Variants in USP50 observed in about 807,000 individuals in gnomAD.
USP50 encodes ubiquitin carboxyl-terminal hydrolase 50.
In USP50, 37 loss-of-function variants were observed where a neutral mutation model predicts 39.2. The ratio of observed to expected loss-of-function variants is 0.94; its 90% CI spans 0.73 to 1.24. The LOEUF (loss-of-function observed/expected upper bound fraction) is 1.24, where lower values mean the gene tolerates loss of function less well. Ranked by LOEUF, USP50 falls within the 50% of genes most tolerant of loss-of-function variation. The pLI is 0.00. For missense variants in USP50, 374 were observed against 398.2 expected, an observed-to-expected ratio of 0.94 and a Z score of 0.52; for synonymous variants, 139 against 144.5, an observed-to-expected ratio of 0.96 and a Z score of 0.27.
Position 50,529,840 on chromosome 15 carries a change from G to A in USP50, c.893C>T (p.Ser298Leu). Residue 298 changes from serine to leucine, a missense_variant, in exon 6 of 7, where the codon TCA becomes TTA. Transcript: ENST00000532404. ...TNLDLTPYIC[S>L]IFRKYPKYNL... ...GTATTTAGGATATTTCCGGAAAATT[G>A]AGCAAATATAAGGAGTGAGGTCCAA... 1 of 1,613,890 alleles carries A rather than the reference G, an allele frequency of 6.2e-7. No homozygotes were observed. Among genetic ancestry groups the A allele is most frequent in the Non-Finnish European group, 8.5e-7 (1 of 1,179,866 alleles).
At chr15:50,543,535 A>G in intron 3 of USP50, 63 bp downstream of exon 3, 1 of 1,484,194 alleles carries the variant, frequency 6.7e-7, no homozygotes, top group Non-Finnish European at 9.2e-7. Context: ...AAAAGAATGA[A>G]AAATGGAAGC....
chr15:50,534,397 G>T (rs1566910190), intron 5 of USP50, among the ~76,000 whole-genome samples: 1 of 152,112 alleles, frequency 6.6e-6, no homozygotes, highest in Non-Finnish European at 1.5e-5. Context: ...AGTCATATAA[G>T]ATGCTCAGTA....
downstream of USP50, chr15:50,499,000 A>G (rs1340335724): frequency 6.8e-6 from 11 of 1,613,848 alleles, no homozygotes; most frequent in African/African-American, 2.7e-5. Flanking sequence ...GAAGTTTCTG[A>G]TATCTCCGTT....
At chr15:50,523,205 G>T (rs2052864706) in intron 6 of USP50, among the ~76,000 whole-genome samples, 2 of 103,972 alleles carry the variant, frequency 1.9e-5, no homozygotes. Flanking sequence ...GTGAGACAGG[G>T]TCTTGCTCTG....
chr15:50,540,695 C>A (rs2053020771), intron 4 of USP50, among the ~76,000 whole-genome samples: 1 of 152,160 alleles, frequency 6.6e-6, no homozygotes, highest in African/African-American at 2.4e-5. Flanking sequence ...GCGATCTTGG[C>A]TCACAACAAC....
chr15:50,525,732 T>C (rs1274895316), intron 6 of USP50, among the ~76,000 whole-genome samples: 1 of 94,658 alleles, frequency 1.1e-5, no homozygotes, highest in East Asian at 3.0e-4. Flanking sequence ...TATATATGTA[T>C]ATGTATATAA....
intron 1 of USP50, 67 bp from the exon 2 acceptor site, chr15:50,544,848 T>G: frequency 7.0e-7 from 1 of 1,426,076 alleles, no homozygotes; most frequent in Non-Finnish European, 9.6e-7. Flanking sequence ...GACAATAAGC[T>G]TCTCTTAATA....
chr15:50,499,471 T>TAAAGC (rs2141333796), downstream of USP50: 1 of 157,104 alleles, frequency 6.4e-6, no homozygotes, highest in East Asian at 1.9e-4. Context: ...TAGAATGATG[T>TAAAGC]AAAGCAGATA....
At chr15:50,545,717 G>A (rs771270529) in intron 1 of USP50, among the ~76,000 whole-genome samples, 2 of 151,564 alleles carry the variant, frequency 1.3e-5, no homozygotes, top group East Asian at 1.9e-4. Context: ...ACATATACAC[G>A]GAGAGGAGAA....
rs564915571 is a variant in USP50 at position 50,538,778 on chromosome 15, G to A, written c.734C>T (p.Thr245Ile). ...NNEIHCSFCE[T>I]KQETAVRASI... ...GGCCCTCACAGCAGTTTCTTGCTTG[G>A]TTTCACAAAAGGAGCAGTGAATTTC... is the stretch of plus-strand genomic sequence containing the variant. Residue 245 changes from threonine (T) to isoleucine (I), a missense_variant, in exon 5 of 7, where the codon ACC becomes ATC. Thr to Ile is a moderately conservative substitution (Grantham distance 89). Transcript: ENST00000532404. 12 of 1,613,438 alleles carry A rather than the reference G, an allele frequency of 7.4e-6. No homozygotes were observed. In the South Asian group the frequency reaches 1.3e-4, roughly 18 times the overall value.
At chr15:50,501,874 T>C (rs1317790335) in intron 6 of USP50, 2 of 152,222 alleles carry the variant, frequency 1.3e-5, no homozygotes, top group African/African-American at 4.8e-5. Flanking sequence ...ATAGTATTGT[T>C]ATATGTGAAA....
downstream of USP50, among the ~76,000 whole-genome samples, chr15:50,497,937 C>T (rs1334396850): frequency 1.3e-5 from 2 of 152,150 alleles, no homozygotes; most frequent in African/African-American, 4.8e-5. Context: ...ATATTAATTT[C>T]CAAATTTACA....
At chr15:50,495,859 G>A, downstream of USP50, 4 of 1,612,006 alleles carry the variant, frequency 2.5e-6, no homozygotes, top group Non-Finnish European at 3.4e-6. Context: ...CTGATAATCG[G>A]AAGAGATATA....
intron 6 of USP50, among the ~76,000 whole-genome samples, chr15:50,518,433 G>C (rs764661720): frequency 2.0e-5 from 3 of 151,024 alleles, no homozygotes; most frequent in East Asian, 1.9e-4. Flanking sequence ...CCGCAGTCTC[G>C]ATCTCCTGAC....
intron 3 of USP50, among the ~76,000 whole-genome samples, chr15:50,541,858 A>C (rs780796538): frequency 2.4e-4 from 37 of 152,146 alleles, no homozygotes; most frequent in Non-Finnish European, 5.0e-4. Flanking sequence ...TCCTGTCTCC[A>C]GTCCCTTCAG....
chr15:50,527,189 G>C (rs545796216), intron 6 of USP50, among the ~76,000 whole-genome samples: 245 of 152,216 alleles, frequency 1.6e-3, no homozygotes, highest in African/African-American at 5.5e-3. Flanking sequence ...ATGAGCCTGA[G>C]GTGGGGCCTG....
At chr15:50,495,105 C>T (rs2052325410) in intron 1 of USP50, among the ~76,000 whole-genome samples, 1 of 151,476 alleles carries the variant, frequency 6.6e-6, no homozygotes, top group South Asian at 2.1e-4. Flanking sequence ...ACATAAATGA[C>T]CACCCTCCAT....
downstream of USP50, chr15:50,494,017 C>A: frequency 1.3e-6 from 2 of 1,580,960 alleles, no homozygotes; most frequent in Non-Finnish European, 1.7e-6. Flanking sequence ...CTGTACCTTG[C>A]TTAACTTTTA....
chr15:50,504,824 CA>C (rs60405800), intron 6 of USP50: 76,854 of 150,728 alleles, frequency 0.51, 19,792 homozygotes, highest in Admixed American at 0.58. Flanking sequence ...TTAAAAAAAA[CA>C]AAAAAAATTA....
Sources: allele counts gnomAD v4.1 joint callset (sites outside exome capture counted in the v4.1 genomes callset), GRCh38; gene constraint gnomAD v4.1.1; transcripts MANE v1.5; gene names NCBI Gene and HGNC (gene_info 2026-07-23, HGNC 2026-07-21).